PLCXD3: variants seen among roughly 807,000 people sequenced by gnomAD.
PLCXD3 encodes the protein PI-PLC X domain-containing protein 3.
In PLCXD3, 19 loss-of-function variants were observed where a neutral mutation model predicts 25.5. That is an observed-to-expected ratio of 0.75 (90% CI 0.52 to 1.09). The LOEUF (loss-of-function observed/expected upper bound fraction) is 1.09, where lower values mean the gene tolerates loss of function less well. Among genes scored for constraint, PLCXD3 ranks in the 50% least tolerant of loss-of-function variants. The pLI is 0.00. For synonymous variants in PLCXD3, 174 were observed against 137.6 expected, an observed-to-expected ratio of 1.26 and a Z score of -1.85; for missense variants, 411 against 388.1, an observed-to-expected ratio of 1.06 and a Z score of -0.50.
At chr5:41,475,254 T>A (rs574918746) in intron 1 of PLCXD3, among the ~76,000 whole-genome samples, 1 of 152,214 alleles carries the variant, frequency 6.6e-6, no homozygotes, top group African/African-American at 2.4e-5. Flanking sequence ...ACTGAACTTA[T>A]GTTGCTGCCA....
In PLCXD3 at chr5:41,463,496, C is replaced by T. The variant is rs887004545; in HGVS notation, c.103+46928G>A. On this transcript the variant is annotated intron_variant, in intron 1 of 2. Coordinates refer to ENST00000377801, the MANE Select transcript of PLCXD3 (RefSeq NM_001005473.3). The stretch of plus-strand genomic sequence containing the variant: ...ATCACATTGAGTGTTGGGATTTCAA[C>T]ATATAAATTTTGGGGGGACACAAAC... Among the ~76,000 whole-genome samples, 6 of 152,120 alleles carry T rather than the reference C, an allele frequency of 3.9e-5. No individual in the cohort carries two copies. The South Asian group carries it at 6.2e-4, about 16-fold the overall frequency.
intron 2 of PLCXD3, among the ~76,000 whole-genome samples, chr5:41,336,516 G>A (rs553960569): frequency 3.2e-4 from 49 of 152,236 alleles, no homozygotes; most frequent in African/African-American, 1.0e-3. Context: ...GCAGGTGACT[G>A]AACTCTATTC....
chr5:41,430,062 C>G (rs988005946), intron 1 of PLCXD3, among the ~76,000 whole-genome samples: 4 of 152,008 alleles, frequency 2.6e-5, no homozygotes, highest in South Asian at 2.1e-4. Context: ...GAGTTTGAAC[C>G]CTACTTTGCT....
At chr5:41,458,663 C>A (rs934589083) in intron 1 of PLCXD3, among the ~76,000 whole-genome samples, 1 of 151,888 alleles carries the variant, frequency 6.6e-6, no homozygotes, top group Non-Finnish European at 1.5e-5. Flanking sequence ...GCTAAAATCC[C>A]ATGGAAATCT....
intron 1 of PLCXD3, among the ~76,000 whole-genome samples, chr5:41,439,341 G>T (rs1580374057): frequency 2.6e-5 from 4 of 152,120 alleles, no homozygotes; most frequent in African/African-American, 9.7e-5. Context: ...TTTTAGGAGG[G>T]CATATTAATG....
At chr5:41,350,404 C>T (rs1744425180) in intron 2 of PLCXD3, among the ~76,000 whole-genome samples, 1 of 151,956 alleles carries the variant, frequency 6.6e-6, no homozygotes. Flanking sequence ...TTTCCTTTTT[C>T]TCCATCTGAA....
intron 1 of PLCXD3, among the ~76,000 whole-genome samples, chr5:41,431,023 G>A (rs1315199358): frequency 6.6e-6 from 1 of 152,218 alleles, no homozygotes; most frequent in East Asian, 1.9e-4. Flanking sequence ...GGAAACATGT[G>A]AGAAAGGAAT....
chr5:41,437,214 C>T (rs1747274888), intron 1 of PLCXD3, among the ~76,000 whole-genome samples: 2 of 152,158 alleles, frequency 1.3e-5, no homozygotes, highest in Non-Finnish European at 2.9e-5. Flanking sequence ...AGTGACAAGA[C>T]ATCATACATG....
Position 41,470,182 on chromosome 5 carries a change from T to G in PLCXD3, c.103+40242A>C, listed in dbSNP as rs1191369590. 7.9e-5 allele frequency among the ~76,000 whole-genome samples: 12 copies of G among 152,128 alleles called. No homozygotes were observed. In the East Asian group the frequency reaches 2.3e-3, roughly 29 times the overall value. ...CTTCCCAAACAAAGGGGGGTGGCAG[T>G]TAAAAAACCATAAGAATTATGATAT... is the stretch of plus-strand genomic sequence containing the variant. On this transcript the variant is annotated intron_variant, in intron 1 of 2. Coordinates refer to ENST00000377801, the MANE Select transcript of PLCXD3 (RefSeq NM_001005473.3).
chr5:41,437,841 T>C (rs977955806), intron 1 of PLCXD3, among the ~76,000 whole-genome samples: 4 of 152,168 alleles, frequency 2.6e-5, no homozygotes, highest in African/African-American at 9.7e-5. Context: ...AATTGGATTA[T>C]AAGGTGCAGA....
intron 1 of PLCXD3, among the ~76,000 whole-genome samples, chr5:41,444,538 A>G (rs916218321): frequency 6.6e-6 from 1 of 152,136 alleles, no homozygotes; most frequent in African/African-American, 2.4e-5. Context: ...CCCAATTCTT[A>G]TTTTGTCCCC....
At chr5:41,331,892 G>A (rs1032071659) in intron 2 of PLCXD3, among the ~76,000 whole-genome samples, 1 of 152,208 alleles carries the variant, frequency 6.6e-6, no homozygotes, top group Admixed American at 6.5e-5. Flanking sequence ...CTAGCCATAT[G>A]TAGAAAGCTG....
intron 1 of PLCXD3, among the ~76,000 whole-genome samples, chr5:41,451,247 C>CA (rs1216975091): frequency 6.6e-6 from 1 of 152,002 alleles, no homozygotes; most frequent in Non-Finnish European, 1.5e-5. Context: ...TTTGTCTTTT[C>CA]TTTTTTGACT....
chr5:41,432,540 T>C (rs894608048), intron 1 of PLCXD3, among the ~76,000 whole-genome samples: 4 of 152,200 alleles, frequency 2.6e-5, no homozygotes, highest in African/African-American at 9.7e-5. Context: ...GTTATTCTTT[T>C]AATGTCTTCC....
intron 1 of PLCXD3, among the ~76,000 whole-genome samples, chr5:41,470,762 A>C (rs1748136478): frequency 6.6e-6 from 1 of 151,912 alleles, no homozygotes; most frequent in African/African-American, 2.4e-5. Context: ...AGTCCAAAGA[A>C]CTCCTGAGAA....
intron 1 of PLCXD3, among the ~76,000 whole-genome samples, chr5:41,495,972 A>T (rs1031478285): frequency 6.6e-6 from 1 of 152,206 alleles, no homozygotes; most frequent in Non-Finnish European, 1.5e-5. Context: ...TAAAGTTGTC[A>T]TTAGTTCAGG....
chr5:41,418,197 T>C (rs1746736628), intron 1 of PLCXD3, among the ~76,000 whole-genome samples: 1 of 152,204 alleles, frequency 6.6e-6, no homozygotes, highest in Non-Finnish European at 1.5e-5. Flanking sequence ...AAATTTTATC[T>C]AATATTTGAA....
intron 1 of PLCXD3, among the ~76,000 whole-genome samples, chr5:41,424,274 T>G (rs891213954): frequency 6.6e-6 from 1 of 152,228 alleles, no homozygotes; most frequent in Non-Finnish European, 1.5e-5. Context: ...CTGGGCGCGG[T>G]GGCTCACGCC....
At chr5:41,336,849 C>T (rs1033651104) in intron 2 of PLCXD3, among the ~76,000 whole-genome samples, 2 of 152,086 alleles carry the variant, frequency 1.3e-5, no homozygotes, top group African/African-American at 4.8e-5. Flanking sequence ...GTTCTGTTTC[C>T]TGTACTCTCC....
Sources: allele counts gnomAD v4.1 joint callset (sites outside exome capture counted in the v4.1 genomes callset), GRCh38; gene constraint gnomAD v4.1.1; transcripts MANE v1.5; gene names NCBI Gene and HGNC (gene_info 2026-07-23, HGNC 2026-07-21).